Variants in BIRC6 observed in about 807,000 individuals in gnomAD.
The protein encoded by BIRC6 is baculoviral IAP repeat containing 6, also known as dual E2 ubiquitin-conjugating enzyme/E3 ubiquitin-protein ligase BIRC6.
Under a neutral mutation model 503.3 loss-of-function variants are expected in BIRC6, and 98 were observed. That is an observed-to-expected ratio of 0.19 (90% CI 0.17 to 0.23). The LOEUF is 0.23. Among genes scored for constraint, BIRC6 ranks in the 10% least tolerant of loss-of-function variants. The pLI, the probability that BIRC6 is intolerant of heterozygous loss-of-function variation, is 1.00. For missense variants in BIRC6, 5,360 were observed against 5,806.0 expected, an observed-to-expected ratio of 0.92 and a Z score of 2.50; for synonymous variants, 2,240 against 2,078.7, an observed-to-expected ratio of 1.08 and a Z score of -2.11.
intron 5 of BIRC6, among the ~76,000 whole-genome samples, chr2:32,393,588 T>G (rs372283750): frequency 9.2e-5 from 14 of 152,324 alleles, no homozygotes; most frequent in African/African-American, 3.4e-4. Context: ...CACAGCTCAC[T>G]GTGCCACAGC....
In BIRC6 at chr2:32,465,060, T is replaced by C. The variant is rs1456524269; in HGVS notation, c.5257-5T>C. ...AGTTAGATTTTTTTTTTTTCCCTGC[T>C]CTAGAATCCACTTGGTTCTGGTCTA... On this transcript the variant is annotated splice_region_variant and splice_polypyrimidine_tract_variant and intron_variant, in intron 25 of 73. Coordinates refer to ENST00000421745, the MANE Select transcript of BIRC6 (RefSeq NM_016252.4). 2 of 1,559,894 alleles carry C rather than the reference T, an allele frequency of 1.3e-6. No homozygotes were observed. Among genetic ancestry groups the C allele is most frequent in the Admixed American group, 1.8e-5 (1 of 55,044 alleles).
intron 54 of BIRC6, among the ~76,000 whole-genome samples, chr2:32,514,498 A>G (rs4952216): frequency 1 from 152,350 of 152,350 alleles, 76,175 homozygotes; most frequent in Non-Finnish European, 1. Flanking sequence ...GAGTTCCTGT[A>G]ACACATAAAA....
intron 1 of BIRC6, among the ~76,000 whole-genome samples, chr2:32,369,270 A>C (rs2035426100): frequency 6.6e-6 from 1 of 152,174 alleles, no homozygotes; most frequent in Non-Finnish European, 1.5e-5. Context: ...ACCATTCAGG[A>C]GATATCTGGC....
chr2:32,494,617 T>G (rs1315731895), intron 45 of BIRC6, among the ~76,000 whole-genome samples: 1 of 151,598 alleles, frequency 6.6e-6, no homozygotes, highest in Non-Finnish European at 1.5e-5. Context: ...ATATAAGGAA[T>G]AGGGCTGGGC....
intron 66 of BIRC6, among the ~76,000 whole-genome samples, chr2:32,589,738 C>G (rs921613241): frequency 6.6e-6 from 1 of 151,974 alleles, no homozygotes; most frequent in African/African-American, 2.4e-5. Context: ...TTGGGTTGTC[C>G]CCTGGTAAAC....
Position 32,493,410 on chromosome 2 carries a change from A to C in BIRC6, c.8341-130A>C, listed in dbSNP as rs116413059. 459 of 752,434 alleles carry C rather than the reference A, an allele frequency of 6.1e-4. 3 individuals are homozygous for C. The African/African-American group carries it at 7.2e-3, about 12-fold the overall frequency. The allele number at this position is 752,434 out of a possible 1,614,324, so 46.6% of individuals were successfully genotyped here. A position where few individuals can be genotyped will look rare whatever the true frequency, so the allele number is the denominator to read the frequency against. On this transcript the variant is annotated intron_variant, in intron 44 of 73. Coordinates refer to ENST00000421745, the MANE Select transcript of BIRC6 (RefSeq NM_016252.4). ...AATTCATTTCCTGCTATCATTGTTA[A>C]TACTTTTGTTTTCCTCGTACGAAAA...
At chr2:32,451,669 G>C (rs2046745828) in intron 22 of BIRC6, among the ~76,000 whole-genome samples, 1 of 152,202 alleles carries the variant, frequency 6.6e-6, no homozygotes, top group African/African-American at 2.4e-5. Context: ...GTGAAGTTCA[G>C]TTACAAGCTG....
intron 43 of BIRC6, among the ~76,000 whole-genome samples, chr2:32,490,814 T>G (rs76485680): frequency 1.3e-5 from 2 of 152,322 alleles, no homozygotes; most frequent in East Asian, 3.9e-4. Flanking sequence ...CATGCATAAC[T>G]AGATTCCTGG....
At chr2:32,390,724 T>G (rs2039117670) in intron 4 of BIRC6, among the ~76,000 whole-genome samples, 2 of 152,278 alleles carry the variant, frequency 1.3e-5, no homozygotes, top group South Asian at 4.1e-4. Flanking sequence ...AAGGCACTAC[T>G]GAATAAATTC....
chr2:32,455,820 GTA>G (rs1271474791), intron 23 of BIRC6, among the ~76,000 whole-genome samples: 1 of 152,114 alleles, frequency 6.6e-6, no homozygotes, highest in Non-Finnish European at 1.5e-5. Context: ...GCTAGTCTGT[GTA>G]TATATATGCC....
At chr2:32,479,692 A>G (rs1475850679) in intron 37 of BIRC6, 75 bp downstream of exon 37, 1 of 1,302,818 alleles carries the variant, frequency 7.7e-7, no homozygotes, top group African/African-American at 1.5e-5. Context: ...TGTTAGAGAA[A>G]AATAAAGTTG....
At chr2:32,528,928 A>C (rs1000311659) in intron 59 of BIRC6, 1 of 152,206 alleles carries the variant, frequency 6.6e-6, no homozygotes, top group Non-Finnish European at 1.5e-5. Context: ...CTCATTGTGT[A>C]CATGCAAATA....
intron 65 of BIRC6, among the ~76,000 whole-genome samples, chr2:32,550,322 TA>T (rs567109356): frequency 2.6e-3 from 392 of 152,284 alleles, no homozygotes; most frequent in Non-Finnish European, 4.6e-3. Context: ...GGATGTCTGG[TA>T]AAAATATTAG....
chr2:32,395,005 A>C (rs1351008763), intron 5 of BIRC6, among the ~76,000 whole-genome samples: 1 of 152,136 alleles, frequency 6.6e-6, no homozygotes, highest in Admixed American at 6.5e-5. Context: ...AAAAAAAATT[A>C]GCTGGGCGTG....
chr2:32,421,517 G>A (rs1244423642), intron 10 of BIRC6, among the ~76,000 whole-genome samples: 2 of 152,152 alleles, frequency 1.3e-5, no homozygotes, highest in Non-Finnish European at 2.9e-5. Flanking sequence ...CCTAAATTTT[G>A]ATACATTGTG....
chr2:32,471,749 C>A (rs1001017178), intron 32 of BIRC6, among the ~76,000 whole-genome samples: 1 of 151,726 alleles, frequency 6.6e-6, no homozygotes, highest in Non-Finnish European at 1.5e-5. Flanking sequence ...TTTGAGATAC[C>A]TAAATCCAGT....
chr2:32,608,450 C>T (rs1036090224), intron 72 of BIRC6, among the ~76,000 whole-genome samples: 1 of 151,954 alleles, frequency 6.6e-6, no homozygotes, highest in East Asian at 1.9e-4. Flanking sequence ...GTTTCGTTCT[C>T]GTTGCCCAGG....
At chr2:32,386,664 G>A (rs1341235173) in intron 3 of BIRC6, among the ~76,000 whole-genome samples, 1 of 152,050 alleles carries the variant, frequency 6.6e-6, no homozygotes, top group Non-Finnish European at 1.5e-5. Flanking sequence ...GGTCTCAGAC[G>A]TTTAGGCTCA....
chr2:32,595,919 T>C (rs1293533074), intron 68 of BIRC6, among the ~76,000 whole-genome samples: 1 of 152,198 alleles, frequency 6.6e-6, no homozygotes, highest in Non-Finnish European at 1.5e-5. Context: ...TCTAATGATA[T>C]TACAGCCTTT....
Sources: allele counts gnomAD v4.1 joint callset (sites outside exome capture counted in the v4.1 genomes callset), GRCh38; gene constraint gnomAD v4.1.1; transcripts MANE v1.5; gene names NCBI Gene and HGNC (gene_info 2026-07-23, HGNC 2026-07-21).